The following CCDC171 variants were observed in gnomAD, a reference collection of about 807,000 sequenced individuals.
The protein encoded by CCDC171 is coiled-coil domain-containing protein 171.
In CCDC171, 177 loss-of-function variants were observed where a neutral mutation model predicts 168.2. The ratio of observed to expected loss-of-function variants is 1.05; its 90% confidence interval spans 0.93 to 1.19. The LOEUF (loss-of-function observed/expected upper bound fraction) is 1.19. Among genes scored for constraint, CCDC171 ranks in the 50% most tolerant of loss-of-function variants. The pLI, the probability that CCDC171 is intolerant of heterozygous loss-of-function variation, is 0.00. For missense variants in CCDC171, 1,991 were observed against 1,539.0 expected, an observed-to-expected ratio of 1.29 and a Z score of -4.91; for synonymous variants, 687 against 540.8, an observed-to-expected ratio of 1.27 and a Z score of -3.75.
intron 25 of CCDC171, among the ~76,000 whole-genome samples, chr9:15,959,939 A>C (rs1830183498): frequency 6.6e-6 from 1 of 152,144 alleles, no homozygotes; most frequent in African/African-American, 2.4e-5. Context: ...GGGCACCCCA[A>C]ATTTTTGTTA....
chr9:15,819,105 T>C (rs1448579410), intron 21 of CCDC171, among the ~76,000 whole-genome samples: 1 of 116,362 alleles, frequency 8.6e-6, no homozygotes, highest in Non-Finnish European at 1.9e-5. Context: ...GCTTCATAAG[T>C]GAAGGAGAAA....
At chr9:15,631,646 G>T (rs201898381) in intron 7 of CCDC171, among the ~76,000 whole-genome samples, 1 of 152,178 alleles carries the variant, frequency 6.6e-6, no homozygotes, top group African/African-American at 2.4e-5. Flanking sequence ...TAGAAAAAGA[G>T]GGAATCCTCC....
intron 23 of CCDC171, among the ~76,000 whole-genome samples, chr9:15,858,968 T>C (rs959317961): frequency 6.6e-6 from 1 of 152,072 alleles, no homozygotes; most frequent in Non-Finnish European, 1.5e-5. Context: ...GTTCATGATT[T>C]TAGAGGAAAA....
chr9:15,760,226 C>T (rs1467946986), intron 18 of CCDC171, among the ~76,000 whole-genome samples: 1 of 152,138 alleles, frequency 6.6e-6, no homozygotes, highest in Non-Finnish European at 1.5e-5. Context: ...CCCAGGAAAA[C>T]TGTGGTGCAT....
At chr9:15,583,161 A>AG (rs776077296) in intron 4 of CCDC171, among the ~76,000 whole-genome samples, 1 of 152,184 alleles carries the variant, frequency 6.6e-6, no homozygotes, top group Non-Finnish European at 1.5e-5. Context: ...TCACGCCTGT[A>AG]ATCCCAGCAC....
At chr9:15,704,184 C>A (rs1255125163) in intron 11 of CCDC171, among the ~76,000 whole-genome samples, 3 of 116,164 alleles carry the variant, frequency 2.6e-5, no homozygotes, top group Non-Finnish European at 5.4e-5. Flanking sequence ...TAAATAGTGA[C>A]ATTTGTGTGT....
intron 21 of CCDC171, among the ~76,000 whole-genome samples, chr9:15,822,421 T>G (rs533481128): frequency 1.3e-5 from 2 of 151,818 alleles, no homozygotes; most frequent in South Asian, 4.2e-4. Flanking sequence ...AGAAAATTTT[T>G]GCAACCTACT....
At chr9:15,919,373 A>G (rs1259954126) in intron 24 of CCDC171, among the ~76,000 whole-genome samples, 1 of 151,652 alleles carries the variant, frequency 6.6e-6, no homozygotes, top group African/African-American at 2.4e-5. Context: ...AGCTTTCCTA[A>G]TTTACAACCT....
intron 20 of CCDC171, among the ~76,000 whole-genome samples, chr9:15,784,165 G>C (rs553169195): frequency 6.0e-4 from 92 of 152,106 alleles, no homozygotes; most frequent in African/African-American, 2.1e-3. Context: ...TCACTTAAAA[G>C]CCAAGGAATT....
rs2056240195 is a variant in CCDC171, at chr9:15,758,151, TG to T, written c.2671+12522del. On this transcript the variant is annotated intron_variant, in intron 18 of 25. Transcript: ENST00000380701. ...CCACTGACAGCTCGCACTGTTCACT[TG>T]GAAAAGCCACAGACACTCAATGCCA... Among the ~76,000 whole-genome samples, 4 of 152,126 alleles carry T rather than the reference TG, an allele frequency of 2.6e-5. No individual in the cohort carries two copies. In the South Asian group the frequency reaches 8.3e-4, roughly 31 times the overall value.
In CCDC171 at chr9:15,920,352, G is replaced by A. The variant is rs780511573; in HGVS notation, c.3683G>A (p.Arg1228Gln). ...MTLEKEMTSH[R>Q]SHIAALKSEL... is the part of the protein sequence containing the mutation. ...TTAGAGAAGGAAATGACATCTCATC[G>A]AAGTCACATTGCAGCCTTGAAATCA... The change falls in exon 25 of 26, where the codon CGA becomes CAA. Residue 1228 changes from arginine (R) to glutamine (Q), a missense_variant. Arg to Gln is a conservative substitution (Grantham distance 43, BLOSUM62 1). Coordinates refer to ENST00000380701, the MANE Select transcript of CCDC171 (RefSeq NM_173550.4). The A allele has an allele frequency of 2.5e-6, 4 of 1,609,922 alleles. No homozygotes were observed. Among genetic ancestry groups the A allele is most frequent in the Non-Finnish European group, 2.5e-6 (3 of 1,177,422 alleles).
intron 11 of CCDC171, among the ~76,000 whole-genome samples, chr9:15,707,973 A>G (rs1306219378): frequency 6.6e-6 from 1 of 152,136 alleles, no homozygotes; most frequent in African/African-American, 2.4e-5. Context: ...TCAGCCTCTC[A>G]GGTAGCTGGG....
At chr9:15,903,110 G>A (rs1480407493) in intron 24 of CCDC171, among the ~76,000 whole-genome samples, 1 of 152,246 alleles carries the variant, frequency 6.6e-6, no homozygotes, top group Non-Finnish European at 1.5e-5. Flanking sequence ...TGGGGGTTGA[G>A]CATTGCCAAA....
At chr9:15,820,905 G>A (rs370579726) in intron 21 of CCDC171, among the ~76,000 whole-genome samples, 2 of 116,626 alleles carry the variant, frequency 1.7e-5, no homozygotes, top group African/African-American at 6.5e-5. Flanking sequence ...TTAGACCAAT[G>A]TCCTTGATGA....
chr9:15,885,669 G>A (rs932407034), intron 24 of CCDC171: 1 of 152,104 alleles, frequency 6.6e-6, no homozygotes, highest in Non-Finnish European at 1.5e-5. Flanking sequence ...AGTTTTCTTT[G>A]CATAATGCCT....
chr9:15,584,394 G>T (rs1294296701), intron 4 of CCDC171, among the ~76,000 whole-genome samples: 1 of 152,210 alleles, frequency 6.6e-6, no homozygotes. Context: ...GGAGCCTCCA[G>T]ATATGAAGAC....
Position 15,817,093 on chromosome 9 carries a change from T to C in CCDC171, c.3268-29609T>C, listed in dbSNP as rs1425452061. 2.5e-5 allele frequency among the ~76,000 whole-genome samples: 3 copies of C among 117,704 alleles called. 1 individual carries two copies. In the East Asian group the frequency reaches 6.4e-4, roughly 25 times the overall value. The allele number at this position is 117,704 out of a possible 152,430, so 77.2% of individuals were successfully genotyped here. ...CTGAGAGGATGTGTAAGCGCACTTGTCTAATTCCATTCTGATTGGCATTGG... is the reference window on the plus strand; with the variant it reads ...CTGAGAGGATGTGTAAGCGCACTTGCCTAATTCCATTCTGATTGGCATTGG... On this transcript the variant is annotated intron_variant, in intron 21 of 25. Transcript: ENST00000380701.
At chr9:16,028,477 T>G (rs1833314030) in intron 6 of CCDC171, among the ~76,000 whole-genome samples, 1 of 152,190 alleles carries the variant, frequency 6.6e-6, no homozygotes, top group African/African-American at 2.4e-5. Context: ...GGTTACCAGA[T>G]GAAATATAAG....
At chr9:15,925,699 G>T (rs1002044000) in intron 25 of CCDC171, among the ~76,000 whole-genome samples, 3 of 151,576 alleles carry the variant, frequency 2.0e-5, no homozygotes, top group East Asian at 1.9e-4. Context: ...ACAGTGGAAT[G>T]GGGGGAATAT....
Sources: allele counts gnomAD v4.1 joint callset (sites outside exome capture counted in the v4.1 genomes callset), GRCh38; gene constraint gnomAD v4.1.1; transcripts MANE v1.5; gene names NCBI Gene and HGNC (gene_info 2026-07-23, HGNC 2026-07-21).